Variants in GOLIM4 observed in about 807,000 individuals in gnomAD.
The protein encoded by GOLIM4 is 130 kDa golgi-localized phosphoprotein.
Under a neutral mutation model 107.4 loss-of-function variants are expected in GOLIM4, and 71 were observed. The observed-to-expected ratio is 0.66, with a 90% CI of 0.55 to 0.81. The LOEUF is 0.81. GOLIM4 is among the 30% of genes least tolerant of loss of function. The pLI is 0.00. For synonymous variants in GOLIM4, 327 were observed against 294.8 expected (o/e 1.11, Z -1.12); for missense variants, 830 against 826.1 (o/e 1.00, Z -0.06).
chr3:168,093,940 C>T (rs913952375), intron 1 of GOLIM4, among the ~76,000 whole-genome samples: 11 of 152,200 alleles, frequency 7.2e-5, no homozygotes, highest in Admixed American at 6.5e-4. Flanking sequence ...TATCTGCACA[C>T]ACATACACAG....
At chr3:168,065,720 G>C (rs970774181) in intron 1 of GOLIM4, among the ~76,000 whole-genome samples, 1 of 152,170 alleles carries the variant, frequency 6.6e-6, no homozygotes, top group African/African-American at 2.4e-5. Flanking sequence ...CCTGGACACA[G>C]AGGTGGAAGA....
In GOLIM4 at chr3:168,036,850, G is replaced by C. The variant is rs1718677772; in HGVS notation, c.829C>G (p.Arg277Gly). The C allele has an allele frequency of 3.7e-6, 6 of 1,612,396 alleles. No individual in the cohort carries two copies. The Admixed American group carries it at 5.0e-5, about 13-fold the overall frequency. ...ACGCCCCTTACCTCCTGCACCTCTC[G>C]GGTTGGCTTCTCCCTTGCTGTGTTG... ...GYNTAREKPT[R>G]EVQEVSRNND... Residue 277 changes from arginine (R) to glycine (G), a missense_variant, in exon 8 of 16, where the codon CGA becomes GGA. Physicochemically the swap from Arg to Gly is moderately radical, Grantham distance 125. Transcript: ENST00000470487.
chr3:168,081,479 G>A (rs1341432054), intron 1 of GOLIM4, among the ~76,000 whole-genome samples: 1 of 152,156 alleles, frequency 6.6e-6, no homozygotes, highest in East Asian at 1.9e-4. Context: ...AAAAGGTAGA[G>A]TGCCCTCAGA....
At chr3:168,023,874 C>A (rs544705229) in intron 14 of GOLIM4, among the ~76,000 whole-genome samples, 19 of 152,160 alleles carry the variant, frequency 1.2e-4, no homozygotes, top group Admixed American at 9.2e-4. Context: ...AGCAGCACCA[C>A]AATAAACGCT....
intron 14 of GOLIM4, among the ~76,000 whole-genome samples, chr3:168,022,355 A>G (rs1717751130): frequency 6.6e-6 from 1 of 152,074 alleles, no homozygotes; most frequent in Admixed American, 6.5e-5. Flanking sequence ...AACAACAACA[A>G]CAATAATGCA....
At chr3:168,052,648 T>A (rs1238661863) in intron 1 of GOLIM4, among the ~76,000 whole-genome samples, 1 of 152,146 alleles carries the variant, frequency 6.6e-6, no homozygotes, top group Non-Finnish European at 1.5e-5. Flanking sequence ...TACACACACA[T>A]ACGCACTACC....
At chr3:168,024,619 C>T in intron 13 of GOLIM4, 25 bp from the exon 14 acceptor site, 2 of 1,582,012 alleles carry the variant, frequency 1.3e-6, no homozygotes, top group South Asian at 2.2e-5. Flanking sequence ...AGGGCAGGTT[C>T]ATGTTACTGT....
chr3:168,081,481 G>A (rs1721362901), intron 1 of GOLIM4, among the ~76,000 whole-genome samples: 1 of 152,166 alleles, frequency 6.6e-6, no homozygotes, highest in South Asian at 2.1e-4. Context: ...AAGGTAGAGT[G>A]CCCTCAGAGG....
chr3:168,050,962 G>C (rs1271495512), intron 1 of GOLIM4, among the ~76,000 whole-genome samples: 1 of 151,836 alleles, frequency 6.6e-6, no homozygotes, highest in African/African-American at 2.4e-5. Flanking sequence ...CATTATTGTA[G>C]AAGGTCAAGG....
chr3:168,041,213 C>T, intron 6 of GOLIM4, 179 bp downstream of exon 6: 1 of 530,018 alleles, frequency 1.9e-6, no homozygotes, highest in Non-Finnish European at 3.3e-6. Context: ...GATTTTCAGA[C>T]CATCTTTTAG....
chr3:168,072,440 C>T (rs1720881116), intron 1 of GOLIM4, among the ~76,000 whole-genome samples: 1 of 147,376 alleles, frequency 6.8e-6, no homozygotes, highest in Non-Finnish European at 1.5e-5. Flanking sequence ...AAAACTAAAA[C>T]TTGGCAGAGC....
chr3:168,017,825 CCT>C (rs143132637), intron 14 of GOLIM4, among the ~76,000 whole-genome samples: 3 of 152,014 alleles, frequency 2.0e-5, no homozygotes, highest in Non-Finnish European at 4.4e-5. Flanking sequence ...CTCAAAAATT[CCT>C]CTCTCTCTTT....
At chr3:168,091,665 T>C in intron 1 of GOLIM4, among the ~76,000 whole-genome samples, 1 of 152,254 alleles carries the variant, frequency 6.6e-6, no homozygotes, top group Non-Finnish European at 1.5e-5. Context: ...AGAGGGATTC[T>C]GATAACAGCT....
At position 168,032,745 on chromosome 3, in the gene GOLIM4, G is replaced by A. The variant is rs1718405295; in HGVS notation, c.951C>T (p.Pro317=). Residue 317 remains proline, a synonymous_variant, in exon 9 of 16, where the codon CCC becomes CCT. Transcript: ENST00000470487. ...PTHKEAEFQA[P]PEPIQQEVER... Reference sequence around the variant, plus strand: ...CCACTTCTTGTTGGATTGGCTCTGGGGGAGCCTGAAATTCTGCCTCCTTAT... The same window carrying A: ...CCACTTCTTGTTGGATTGGCTCTGGAGGAGCCTGAAATTCTGCCTCCTTAT... 6 of 1,613,794 alleles carry A rather than the reference G, an allele frequency of 3.7e-6. No homozygotes were observed. Among genetic ancestry groups the A allele is most frequent in the Non-Finnish European group, 5.1e-6 (6 of 1,179,802 alleles).
intron 10 of GOLIM4, 121 bp downstream of exon 10, chr3:168,029,659 G>T: frequency 9.4e-7 from 1 of 1,063,554 alleles, no homozygotes; most frequent in Non-Finnish European, 1.4e-6. Context: ...TCCTGCCTTG[G>T]CTATTTGAGC....
At chr3:168,036,718 C>T in intron 8 of GOLIM4, 118 bp downstream of exon 8, 1 of 738,052 alleles carries the variant, frequency 1.4e-6, no homozygotes, top group Non-Finnish European at 2.2e-6. Context: ...TTCTGATATA[C>T]TAAAATTTGA....
intron 1 of GOLIM4, among the ~76,000 whole-genome samples, chr3:168,083,606 A>G (rs1703913953): frequency 6.6e-6 from 1 of 152,210 alleles, no homozygotes; most frequent in South Asian, 2.1e-4. Flanking sequence ...GTCACATTTT[A>G]GAATGTAGTA....
intron 8 of GOLIM4, among the ~76,000 whole-genome samples, chr3:168,034,830 A>G (rs181076808): frequency 6.6e-6 from 1 of 152,310 alleles, no homozygotes; most frequent in African/African-American, 2.4e-5. Context: ...TACCCTGCAC[A>G]AGCTCTCTCT....
At chr3:168,043,157 A>G (rs1719113177) in intron 5 of GOLIM4, among the ~76,000 whole-genome samples, 1 of 152,228 alleles carries the variant, frequency 6.6e-6, no homozygotes, top group Non-Finnish European at 1.5e-5. Context: ...AAGAGAATAC[A>G]CTACGATACA....
Sources: gnomAD v4.1 joint callset for allele counts (sites outside exome capture counted in the v4.1 genomes callset) on GRCh38, gnomAD v4.1.1 for gene constraint, MANE v1.5 for transcripts, NCBI Gene and HGNC (gene_info 2026-07-23, HGNC 2026-07-21) for gene names.